JADE3: variants seen among roughly 807,000 people sequenced by gnomAD.
JADE3 encodes jade family PHD finger 3.
JADE3 carries 2 observed loss-of-function variants against 50.1 expected under a neutral mutation model. The observed-to-expected ratio is 0.04, with a 90% CI of 0.02 to 0.13. JADE3 has a LOEUF of 0.13. Among genes scored for constraint, JADE3 ranks in the 10% least tolerant of loss-of-function variants. The probability of loss-of-function intolerance (pLI) is 1.00; values close to 1 mark genes in which losing one functional copy is unlikely to be tolerated. For missense variants in JADE3, 475 were observed against 634.4 expected, an observed-to-expected ratio of 0.75 and a Z score of 2.70; for synonymous variants, 218 against 232.9, an observed-to-expected ratio of 0.94 and a Z score of 0.58.
chrX:46,979,873 A>ATTTTT (rs56397998), intron 1 of JADE3, among the ~76,000 whole-genome samples: 4 of 63,148 alleles, frequency 6.3e-5, no homozygotes, highest in African/African-American at 6.7e-5. Flanking sequence ...ATGTCTGCTG[A>ATTTTT]TTTTTTTTTT....
intron 6 of JADE3, among the ~76,000 whole-genome samples, chrX:47,030,770 G>A (rs1270431262): frequency 8.9e-6 from 1 of 111,764 alleles, no homozygotes; most frequent in African/African-American, 3.3e-5. Flanking sequence ...GTGAAAGTTG[G>A]GCCGGGCATG....
chrX:47,017,651 A>G (rs1928704586), intron 4 of JADE3, among the ~76,000 whole-genome samples: 1 of 112,086 alleles, frequency 8.9e-6, no homozygotes, highest in Non-Finnish European at 1.9e-5. Context: ...GTATATATAA[A>G]TGGGATTGTT....
intron 6 of JADE3, among the ~76,000 whole-genome samples, chrX:47,030,787 C>T (rs1397388658): frequency 4.5e-5 from 5 of 111,515 alleles, no homozygotes; most frequent in Non-Finnish European, 9.4e-5. Context: ...CATGGTGGCT[C>T]ACGCCTGTAA....
At chrX:47,033,237 C>G (rs1447354922) in intron 6 of JADE3, among the ~76,000 whole-genome samples, 1 of 111,959 alleles carries the variant, frequency 8.9e-6, no homozygotes, top group African/African-American at 3.2e-5. Context: ...TTGATCACAA[C>G]AGTGTATGAC....
intron 1 of JADE3, among the ~76,000 whole-genome samples, chrX:46,966,612 ATGAGGGT>A (rs1444391311): frequency 8.9e-6 from 1 of 111,957 alleles, no homozygotes; most frequent in Non-Finnish European, 1.9e-5. Context: ...ATACTTAAAG[ATGAGGGT>A]TGGGAAGTAT....
intron 1 of JADE3, among the ~76,000 whole-genome samples, chrX:46,963,507 C>G (rs1161232437): frequency 8.9e-6 from 1 of 112,463 alleles, no homozygotes; most frequent in Non-Finnish European, 1.9e-5. Context: ...ACGACCACTT[C>G]AAAAGTTAGT....
chrX:46,936,650 G>A (rs1926630376), intron 1 of JADE3, among the ~76,000 whole-genome samples: 1 of 111,188 alleles, frequency 9.0e-6, no homozygotes, highest in Non-Finnish European at 1.9e-5. Context: ...TAGTAGTTAT[G>A]GGAGTATTCA....
At chrX:46,970,186 A>G (rs1927455845) in intron 1 of JADE3, among the ~76,000 whole-genome samples, 1 of 112,297 alleles carries the variant, frequency 8.9e-6, no homozygotes, top group African/African-American at 3.2e-5. Context: ...TCTGCTGGGG[A>G]GGCCAAATAC....
chrX:46,967,532 A>ATT (rs1556349287), intron 1 of JADE3, among the ~76,000 whole-genome samples: 1 of 111,416 alleles, frequency 9.0e-6, no homozygotes, highest in East Asian at 2.8e-4. Flanking sequence ...AGGGGAGGTA[A>ATT]TTAGGTTCCA....
chrX:46,936,014 T>C (rs1926613553), intron 1 of JADE3, among the ~76,000 whole-genome samples: 2 of 56,148 alleles, frequency 3.6e-5, no homozygotes. Flanking sequence ...GTTGAATACA[T>C]TGATTTTTTT....
rs1556357906 is a variant in JADE3 at position 46,998,126 on chromosome X, C to T, written c.133C>T (p.Arg45Trp). 5 of 1,200,595 alleles carry T rather than the reference C, an allele frequency of 4.2e-6. No homozygotes were observed. The Admixed American group carries it at 6.6e-5, about 16-fold the overall frequency. The change falls in exon 4 of 11, where the codon CGG (arginine) becomes TGG (tryptophan). Residue 45 changes from arginine to tryptophan, a missense_variant. By Grantham distance (101) the Arg-to-Trp change is moderately radical (BLOSUM62 -3). Transcript: ENST00000614628. ...ATGTGCAATATCTTTCCAGGTATTC[C>T]GGAAGGACCTCATCAGTGCCATGAA... The part of the protein sequence containing the change: ...NEHKKPAEVF[R>W]KDLISAMKLP...
At chrX:47,001,348 A>G (rs1928281845) in intron 4 of JADE3, among the ~76,000 whole-genome samples, 1 of 111,885 alleles carries the variant, frequency 8.9e-6, no homozygotes, top group South Asian at 3.8e-4. Context: ...AACTCCTGAC[A>G]TGATACTGAT....
rs1261102006 is a variant in JADE3 at position 46,926,257 on chromosome X, A to AT, written c.-12+13548dup. ...TTTGGGGTTATTTATGGTTCTGTGG[A>AT]TTTTTTTTTTAAGACAGGGTGTCAC... On this transcript the variant is annotated intron_variant, in intron 1 of 10. Transcript: ENST00000614628. Among the ~76,000 whole-genome samples, 12 of 101,139 alleles carry AT rather than the reference A, an allele frequency of 1.2e-4. No homozygotes were observed. The East Asian group carries it at 1.2e-3, about 11-fold the overall frequency. The allele number at this position is 101,139 out of a possible 115,157, so 87.8% of individuals were successfully genotyped here.
chrX:46,968,166 A>C (rs1019707999), intron 1 of JADE3, among the ~76,000 whole-genome samples: 3 of 112,191 alleles, frequency 2.7e-5, no homozygotes, highest in African/African-American at 9.7e-5. Flanking sequence ...TCTCTTTCTC[A>C]AATTAATACT....
At chrX:47,033,888 C>A in intron 7 of JADE3, 100 bp downstream of exon 7, 1 of 720,572 alleles carries the variant, frequency 1.4e-6, no homozygotes, top group Non-Finnish European at 2.0e-6. Flanking sequence ...ATGCTTCATG[C>A]TTGCCCATGT....
intron 8 of JADE3, among the ~76,000 whole-genome samples, chrX:47,039,580 C>T (rs368591027): frequency 1.8e-5 from 2 of 110,333 alleles, no homozygotes; most frequent in Non-Finnish European, 3.8e-5. Context: ...TCTAGTAATC[C>T]CCACTGTCTA....
intron 1 of JADE3, among the ~76,000 whole-genome samples, chrX:46,981,020 A>G (rs1927738862): frequency 2.7e-5 from 3 of 110,836 alleles, no homozygotes. Flanking sequence ...AAGATGGAAG[A>G]AGACAGCCAA....
chrX:47,050,668 GA>G (rs1373010044), intron 8 of JADE3, among the ~76,000 whole-genome samples: 2 of 111,371 alleles, frequency 1.8e-5, no homozygotes, highest in African/African-American at 6.5e-5. Flanking sequence ...CTTTTATTTT[GA>G]GTAATTTATG....
intron 3 of JADE3, among the ~76,000 whole-genome samples, chrX:46,992,372 C>T (rs1348603534): frequency 3.1e-5 from 3 of 95,443 alleles, no homozygotes; most frequent in Non-Finnish European, 6.4e-5. Flanking sequence ...GGGTGGGACC[C>T]CCCCCCCCAT....
Sources: allele counts gnomAD v4.1 joint callset (sites outside exome capture counted in the v4.1 genomes callset), GRCh38; gene constraint gnomAD v4.1.1; transcripts MANE v1.5; gene names NCBI Gene and HGNC (gene_info 2026-07-23, HGNC 2026-07-21).